SCARA5: variants seen among roughly 807,000 people sequenced by gnomAD.
The protein encoded by SCARA5 is scavenger receptor class A member 5, also known as scavenger receptor class A, member 5 (putative).
In SCARA5, 45 loss-of-function variants were observed where a neutral mutation model predicts 46.3. The ratio of observed to expected loss-of-function variants is 0.97; its 90% CI spans 0.76 to 1.24. The LOEUF (loss-of-function observed/expected upper bound fraction) is 1.24, where lower values mean the gene tolerates loss of function less well. Among genes scored for constraint, SCARA5 ranks in the 50% most tolerant of loss-of-function variants. The pLI, the probability that SCARA5 is intolerant of heterozygous loss-of-function variation, is 0.00. For missense variants in SCARA5, 680 were observed against 689.0 expected, an observed-to-expected ratio of 0.99 and a Z score of 0.15; for synonymous variants, 333 against 306.5, an observed-to-expected ratio of 1.09 and a Z score of -0.90.
intron 3 of SCARA5, among the ~76,000 whole-genome samples, chr8:27,965,352 C>T (rs1044630869): frequency 1.3e-5 from 2 of 152,228 alleles, no homozygotes; most frequent in Non-Finnish European, 2.9e-5. Flanking sequence ...CCCGAGGGCC[C>T]CTCCCTCAGT....
chr8:27,904,743 C>T (rs557514262), intron 7 of SCARA5, 35 bp downstream of exon 7: 16 of 1,588,690 alleles, frequency 1.0e-5, no homozygotes, highest in East Asian at 4.5e-5. Context: ...CCTGTGCCAA[C>T]ACCATATCCC....
At chr8:27,895,975 C>A (rs956012188) in intron 7 of SCARA5, among the ~76,000 whole-genome samples, 1 of 152,194 alleles carries the variant, frequency 6.6e-6, no homozygotes, top group East Asian at 1.9e-4. Flanking sequence ...CAGGAGCTCA[C>A]CCCATCACAG....
intron 2 of SCARA5, among the ~76,000 whole-genome samples, chr8:27,977,349 C>A (rs1808541475): frequency 6.6e-6 from 1 of 152,158 alleles, no homozygotes; most frequent in Non-Finnish European, 1.5e-5. Context: ...ACTGTTAATC[C>A]CAAACAGCTG....
chr8:27,879,891 G>C, intron 7 of SCARA5, 125 bp from the exon 8 acceptor site: 1 of 856,764 alleles, frequency 1.2e-6, no homozygotes, highest in Non-Finnish European at 1.8e-6. Context: ...GCTGTATCAA[G>C]ACTTCAGCCC....
chr8:27,900,185 C>A (rs867739647), intron 7 of SCARA5, among the ~76,000 whole-genome samples: 4 of 152,070 alleles, frequency 2.6e-5, no homozygotes, highest in Middle Eastern at 3.4e-3. Flanking sequence ...AAGGTGCAGT[C>A]GCTGTGTCTC....
chr8:27,952,640 G>T (rs1438900009), intron 3 of SCARA5, among the ~76,000 whole-genome samples: 2 of 152,194 alleles, frequency 1.3e-5, no homozygotes, highest in African/African-American at 4.8e-5. Flanking sequence ...ATCATTCCCT[G>T]CAAATTGGTG....
chr8:27,986,194 C>T (rs954072704), intron 2 of SCARA5, among the ~76,000 whole-genome samples: 4 of 152,224 alleles, frequency 2.6e-5, no homozygotes, highest in Admixed American at 1.3e-4. Flanking sequence ...CCTTCTCCTC[C>T]GCCTGACTGG....
At chr8:27,872,190 C>G (rs1041578178) in intron 8 of SCARA5, 120 bp from the exon 9 acceptor site, 20 of 1,000,664 alleles carry the variant, frequency 2.0e-5, no homozygotes, top group Non-Finnish European at 2.6e-5. Context: ...CTAGGGGCTT[C>G]CAGCTGCCCT....
At chr8:27,914,590 A>T (rs1807431409) in intron 4 of SCARA5, among the ~76,000 whole-genome samples, 1 of 152,280 alleles carries the variant, frequency 6.6e-6, no homozygotes, top group Admixed American at 6.5e-5. Flanking sequence ...ACTAACGTGT[A>T]GTAGCAGAAG....
intron 8 of SCARA5, among the ~76,000 whole-genome samples, chr8:27,876,626 C>A (rs75699863): frequency 6.6e-6 from 1 of 152,208 alleles, no homozygotes; most frequent in South Asian, 2.1e-4. Flanking sequence ...ATGGGGCATC[C>A]GAGTGCACCT....
Position 27,871,462 on chromosome 8 carries a change from G to T in SCARA5, c.*472C>A. On this transcript the variant is annotated 3_prime_UTR_variant, in exon 9 of 9. Transcript: ENST00000354914. The stretch of plus-strand genomic sequence containing the variant: ...AAAGGGGGGAAATTCATCACTTGAC[G>T]TTGCCTCTTGCTGGGGAGGAAGATG... 1 of 989,312 alleles carries T rather than the reference G, an allele frequency of 1.0e-6. No homozygotes were observed. 61.3% of individuals were successfully genotyped at this position (989,312 alleles called of 1,614,324 possible).
intron 7 of SCARA5, among the ~76,000 whole-genome samples, chr8:27,902,357 T>C (rs958705906): frequency 6.8e-6 from 1 of 147,100 alleles, no homozygotes; most frequent in Non-Finnish European, 1.5e-5. Context: ...CCCGCACCCC[T>C]GTGGCTCTGG....
rs1808754314 is a variant in SCARA5, at chr8:27,989,376, C to T, written c.-15-1746G>A. On this transcript the variant is annotated intron_variant, in intron 1 of 8. Transcript: ENST00000354914. ...CTCCTGGAGTCAAGCGCTCCACTGG[C>T]CTCAGCCTCCCAAAGTGCTGAGATT... Among the ~76,000 whole-genome samples, 3 of 152,186 alleles carry T rather than the reference C, an allele frequency of 2.0e-5. No homozygotes were observed. The South Asian group carries it at 6.2e-4, about 32-fold the overall frequency.
rs1277831903 is a variant in SCARA5 at position 27,981,112 on chromosome 8, G to A, written c.112+6392C>T. Among the ~76,000 whole-genome samples, 3 of 152,128 alleles carry A rather than the reference G, an allele frequency of 2.0e-5. No homozygotes were observed. In the South Asian group the frequency reaches 6.2e-4, roughly 32 times the overall value. On this transcript the variant is annotated intron_variant, in intron 2 of 8. Coordinates refer to ENST00000354914, the MANE Select transcript of SCARA5 (RefSeq NM_173833.6). ...ACTGTGTGCAAGGCGCTTTACCCGG[G>A]TTATATCATGTAATCCTCCCACAAT...
At chr8:27,978,508 T>TATTC (rs776520502) in intron 2 of SCARA5, among the ~76,000 whole-genome samples, 105 of 152,060 alleles carry the variant, frequency 6.9e-4, no homozygotes, top group Non-Finnish European at 1.3e-3. Context: ...TCATCTTATT[T>TATTC]ATTTATTTAT....
chr8:27,950,482 TC>T (rs1407187404), intron 3 of SCARA5, among the ~76,000 whole-genome samples: 1 of 151,966 alleles, frequency 6.6e-6, no homozygotes, highest in African/African-American at 2.4e-5. Flanking sequence ...CCTCCCTTTG[TC>T]ACCCTCTGGC....
At chr8:27,971,716 T>G (rs746211839) in intron 2 of SCARA5, among the ~76,000 whole-genome samples, 1 of 151,878 alleles carries the variant, frequency 6.6e-6, no homozygotes, top group Non-Finnish European at 1.5e-5. Flanking sequence ...GGCCAGTGGC[T>G]CTGAGCAAAT....
chr8:27,946,291 T>G (rs1464993717), intron 3 of SCARA5, among the ~76,000 whole-genome samples: 1 of 152,154 alleles, frequency 6.6e-6, no homozygotes, highest in Non-Finnish European at 1.5e-5. Context: ...ACACAAAGGA[T>G]TAAAAGAAAA....
intron 3 of SCARA5, among the ~76,000 whole-genome samples, chr8:27,963,241 T>C (rs535738547): frequency 1.3e-5 from 2 of 152,288 alleles, no homozygotes; most frequent in South Asian, 2.1e-4. Context: ...CTTAATTCTA[T>C]TGCAAAGGAC....
Sources: gnomAD v4.1 joint callset for allele counts (sites outside exome capture counted in the v4.1 genomes callset) on GRCh38, gnomAD v4.1.1 for gene constraint, MANE v1.5 for transcripts, NCBI Gene and HGNC (gene_info 2026-07-23, HGNC 2026-07-21) for gene names.